The following PLEKHG1 variants were observed in gnomAD, a reference collection of about 807,000 sequenced individuals.
PLEKHG1 encodes the protein pleckstrin homology and RhoGEF domain containing G1.
PLEKHG1 carries 44 observed loss-of-function variants against 100.8 expected under a neutral mutation model. That is an observed-to-expected ratio of 0.44 (90% CI 0.34 to 0.56). PLEKHG1 has a LOEUF of 0.56. Ranked by LOEUF, PLEKHG1 falls within the 20% of genes least tolerant of loss-of-function variation. The pLI, the probability that PLEKHG1 is intolerant of heterozygous loss-of-function variation, is 0.01. For missense variants in PLEKHG1, 1,545 were observed against 1,720.9 expected, an observed-to-expected ratio of 0.90 and a Z score of 1.81; for synonymous variants, 640 against 662.5, an observed-to-expected ratio of 0.97 and a Z score of 0.52.
chr6:150,753,295 G>A (rs950395242), intron 2 of PLEKHG1, among the ~76,000 whole-genome samples: 3 of 152,120 alleles, frequency 2.0e-5, no homozygotes, highest in Non-Finnish European at 4.4e-5. Flanking sequence ...ACATTGTGGG[G>A]TGGGTGTGTG....
intron 2 of PLEKHG1, among the ~76,000 whole-genome samples, chr6:150,749,233 C>T (rs1448102208): frequency 6.6e-6 from 1 of 152,172 alleles, no homozygotes; most frequent in Non-Finnish European, 1.5e-5. Context: ...GGCGGGTCCT[C>T]AAACATACTT....
chr6:150,808,312 T>C (rs1787265682), intron 7 of PLEKHG1, among the ~76,000 whole-genome samples: 1 of 152,216 alleles, frequency 6.6e-6, no homozygotes, highest in South Asian at 2.1e-4. Flanking sequence ...AAGAAATTTC[T>C]GAGAAAATGA....
Position 150,701,439 on chromosome 6 carries a change from A to ATATATT in PLEKHG1, c.-98-32140_-98-32139insTTATAT, listed in dbSNP as rs1167595215. On this transcript the variant is annotated intron_variant, in intron 3 of 3. Transcript: ENST00000367326. ...TCTTTATATATATATATATATATAT[A>ATATATT]TATATATATATATATATATATATAT... Among the ~76,000 whole-genome samples, 95 of 69,706 alleles carry ATATATT rather than the reference A, an allele frequency of 1.4e-3. 4 individuals carry two copies. Among genetic ancestry groups the ATATATT allele is most frequent in the South Asian group, 2.2e-3 (5 of 2,256 alleles). The allele number at this position is 69,706 out of a possible 152,430, so 45.7% of individuals were successfully genotyped here. A position where few individuals can be genotyped will look rare whatever the true frequency, so the allele number is the denominator to read the frequency against.
At chr6:150,706,535 G>T (rs781597897) in intron 3 of PLEKHG1, among the ~76,000 whole-genome samples, 11 of 151,292 alleles carry the variant, frequency 7.3e-5, no homozygotes, top group Non-Finnish European at 1.0e-4. Flanking sequence ...GATCACCTGA[G>T]CCTGGGAGGT....
chr6:150,744,687 A>G (rs558630873), intron 2 of PLEKHG1, among the ~76,000 whole-genome samples: 2 of 152,316 alleles, frequency 1.3e-5, no homozygotes, highest in South Asian at 4.2e-4. Flanking sequence ...TGGTATGATA[A>G]TTATGAATGT....
At chr6:150,685,560 G>A (rs1017603295) in intron 3 of PLEKHG1, among the ~76,000 whole-genome samples, 3 of 152,140 alleles carry the variant, frequency 2.0e-5, no homozygotes, top group African/African-American at 7.2e-5. Flanking sequence ...AGAGAATAGA[G>A]CCAATAGCTT....
intron 3 of PLEKHG1, among the ~76,000 whole-genome samples, chr6:150,661,026 G>C (rs901299282): frequency 6.6e-6 from 1 of 152,156 alleles, no homozygotes; most frequent in Non-Finnish European, 1.5e-5. Flanking sequence ...TCCTTCGTGG[G>C]GTCAAGGAGG....
chr6:150,740,778 G>A lies in PLEKHG1; in HGVS notation c.411+6686G>A, dbSNP rs899263040. Among the ~76,000 whole-genome samples the A allele has an allele frequency of 3.9e-5, 6 of 152,084 alleles. No homozygotes were observed. In the East Asian group the frequency reaches 5.8e-4, roughly 15 times the overall value. ...TTCCTCCAAGGGATTTTATCGTAACGGGTGAATGAGATCTTTCTTAAAACC... is the reference window on the plus strand; with the variant it reads ...TTCCTCCAAGGGATTTTATCGTAACAGGTGAATGAGATCTTTCTTAAAACC... On this transcript the variant is annotated intron_variant, in intron 2 of 15. Transcript: ENST00000358517.
rs570010879 is a variant in PLEKHG1, at chr6:150,777,267, C to G, written c.512+8529C>G. Among the ~76,000 whole-genome samples, 475 of 148,818 alleles carry G rather than the reference C, an allele frequency of 3.2e-3. 2 individuals carry two copies. The highest frequency in any genetic ancestry group is 7.0e-3 in the Admixed American group (104 of 14,902). On this transcript the variant is annotated intron_variant, in intron 3 of 15. Transcript: ENST00000358517. ...TCAACACTAATGCAATCCTGGTGCACATGTGCGGTTGCACATCAGCCACAC... is the reference window on the plus strand; with the variant it reads ...TCAACACTAATGCAATCCTGGTGCAGATGTGCGGTTGCACATCAGCCACAC...
intron 2 of PLEKHG1, among the ~76,000 whole-genome samples, chr6:150,766,225 T>A (rs534883949): frequency 2.1e-4 from 32 of 152,362 alleles, no homozygotes; most frequent in Non-Finnish European, 4.4e-5. Flanking sequence ...AATAATTGTT[T>A]TCAGTGCAAA....
At chr6:150,834,364 G>C (rs1777115686) in intron 15 of PLEKHG1, among the ~76,000 whole-genome samples, 1 of 152,198 alleles carries the variant, frequency 6.6e-6, no homozygotes, top group African/African-American at 2.4e-5. Context: ...ATTGGCAATT[G>C]CAAGCACTGA....
intron 2 of PLEKHG1, among the ~76,000 whole-genome samples, chr6:150,744,682 T>C (rs183831854): frequency 6.6e-6 from 1 of 152,284 alleles, no homozygotes; most frequent in East Asian, 1.9e-4. Flanking sequence ...CTTCTTGGTA[T>C]GATAATTATG....
rs569922666 is a variant in PLEKHG1 at position 150,831,245 on chromosome 6, T to C, written c.2134T>C (p.Ser712Pro). The C allele has an allele frequency of 6.8e-6, 11 of 1,614,018 alleles. No individual in the cohort carries two copies. The highest frequency in any genetic ancestry group is 9.3e-6 in the Non-Finnish European group (11 of 1,180,012). Residue 712 changes from serine to proline, a missense_variant, in exon 15 of 16, where the codon TCT (serine) becomes CCT (proline). Coordinates refer to ENST00000358517, the Ensembl canonical transcript of PLEKHG1. The surrounding 1 kb of genome is among the most constrained non-coding windows in gnomAD (Gnocchi z 4.1). The stretch of plus-strand genomic sequence containing the variant: ...GAGGCAAGCTGGCCACAGTAAGGGC[T>C]CTCTTTACGCACAAACAGATGGCAC...
Position 150,683,191 on chromosome 6 carries a change from A to C in PLEKHG1, c.-99+32405A>C, listed in dbSNP as rs73780068. Among the ~76,000 whole-genome samples, 2 of 152,192 alleles carry C rather than the reference A, an allele frequency of 1.3e-5. No homozygotes were observed. The highest frequency in any genetic ancestry group is 2.9e-5 in the Non-Finnish European group (2 of 68,040). ...TCCTCTGTAGAGGGCAGATGGGGAC[A>C]GTATTTATATTTATGAAATTTAGAG... On this transcript the variant is annotated intron_variant, in intron 3 of 3. Coordinates refer to the PLEKHG1 transcript ENST00000367326. The surrounding 1 kb of genome is among the most constrained non-coding windows in gnomAD (Gnocchi z 4.0).
At chr6:150,612,200 C>G (rs1010722815) in intron 1 of PLEKHG1, among the ~76,000 whole-genome samples, 3 of 152,230 alleles carry the variant, frequency 2.0e-5, no homozygotes, top group African/African-American at 7.2e-5. Flanking sequence ...AAGTCCCCTT[C>G]CCAGCCTTTT....
In PLEKHG1 at chr6:150,706,450, A is replaced by C. The variant is rs7742639; in HGVS notation, c.-98-27134A>C. ...CAACATAGGGAAACCCCATCTCCAC[A>C]TATAATTTAAAAAATTAGCCAGGCA... is the stretch of plus-strand genomic sequence containing the variant. On this transcript the variant is annotated intron_variant, in intron 3 of 3. Coordinates refer to the PLEKHG1 transcript ENST00000367326. Among the ~76,000 whole-genome samples, 892 of 151,096 alleles carry C rather than the reference A, an allele frequency of 5.9e-3. 13 individuals are homozygous for C. Among genetic ancestry groups the C allele is most frequent in the African/African-American group, 0.021 (851 of 41,416 alleles).
chr6:150,715,051 A>G (rs1307329580), intron 3 of PLEKHG1, among the ~76,000 whole-genome samples: 1 of 152,006 alleles, frequency 6.6e-6, no homozygotes, highest in Non-Finnish European at 1.5e-5. Context: ...CACCCACCTC[A>G]GCCTCCCAAA....
At chr6:150,821,831 TA>T (rs201933453) in intron 13 of PLEKHG1, among the ~76,000 whole-genome samples, 2 of 55,016 alleles carry the variant, frequency 3.6e-5, no homozygotes, top group African/African-American at 9.9e-5. Flanking sequence ...AGGACTCTTT[TA>T]TTTTTTTTTT....
intron 2 of PLEKHG1, among the ~76,000 whole-genome samples, chr6:150,763,044 T>TTTTTTTTA (rs1784261257): frequency 6.8e-6 from 1 of 146,148 alleles, no homozygotes; most frequent in Non-Finnish European, 1.5e-5. Context: ...TTTTTTTTTT[T>TTTTTTTTA]GAGACGGAGT....
Sources: allele counts gnomAD v4.1 joint callset (sites outside exome capture counted in the v4.1 genomes callset), GRCh38; gene constraint gnomAD v4.1.1; non-coding constraint Gnocchi (gnomAD v3.1); transcripts MANE v1.5; gene names NCBI Gene and HGNC (gene_info 2026-07-23, HGNC 2026-07-21).